Variants in TSEN34 observed in about 807,000 individuals in gnomAD.
TSEN34 encodes the protein tRNA-splicing endonuclease subunit Sen34.
In TSEN34, 25 loss-of-function variants were observed where a neutral mutation model predicts 30.2. That is an observed-to-expected ratio of 0.83 (90% CI 0.60 to 1.16). The LOEUF is 1.16. Ranked by LOEUF, TSEN34 falls within the 50% of genes most tolerant of loss-of-function variation. TSEN34 has a pLI of 0.00. For missense variants in TSEN34, 475 were observed against 411.9 expected (o/e 1.15, Z -1.33); for synonymous variants, 209 against 177.4 (o/e 1.18, Z -1.41).
Position 54,193,644 on chromosome 19 carries a change from A to C in TSEN34, c.*282A>C. 9.5e-7 allele frequency: 1 copy of C among 1,048,796 alleles called. No individual in the cohort carries two copies. 65.0% of individuals were successfully genotyped at this position (1,048,796 alleles called of 1,614,324 possible). A position where few individuals can be genotyped will look rare whatever the true frequency, so the allele number is the denominator to read the frequency against. On this transcript the variant is annotated 3_prime_UTR_variant, in exon 4 of 4. Transcript: ENST00000396388. The stretch of plus-strand genomic sequence containing the variant: ...CAGGGTTTAAGTCTCAGGAGGTCTC[A>C]ATAAACTTGGTATATAAATGTTCAT...
In TSEN34 at chr19:54,193,171, C is replaced by T. The variant is rs754060686; in HGVS notation, c.746-4C>T. On this transcript the variant is annotated splice_region_variant and splice_polypyrimidine_tract_variant and intron_variant, in intron 3 of 3. Coordinates refer to ENST00000396388, the MANE Select transcript of TSEN34 (RefSeq NM_001077446.4). ...CTGCTTCAGTGCCTCTCTCCTTCCC[C>T]CAGGTGACCCCCTCCGCTTCCACGC... 19 of 1,613,044 alleles carry T rather than the reference C, an allele frequency of 1.2e-5. No individual in the cohort carries two copies. Among genetic ancestry groups the T allele is most frequent in the African/African-American group, 6.7e-5 (5 of 74,864 alleles).
chr19:54,193,064 GTATC>G (rs2147089024), intron 3 of TSEN34, 107 bp from the exon 4 acceptor site: 4 of 1,477,274 alleles, frequency 2.7e-6, no homozygotes, highest in Non-Finnish European at 3.7e-6. Flanking sequence ...CTGTTTTAGA[GTATC>G]TATAGTGATG....
chr19:54,190,983 G>A (rs752469312), upstream of TSEN34: 108 of 1,104,568 alleles, frequency 9.8e-5, no homozygotes, highest in Non-Finnish European at 1.2e-4. Context: ...ACCTTTGTAA[G>A]GGGGCGTGTC....
At chr19:54,190,125 C>G (rs1191561593), upstream of TSEN34, 1 of 548,132 alleles carries the variant, frequency 1.8e-6, no homozygotes, top group Admixed American at 3.6e-5. Flanking sequence ...TGACGATCCT[C>G]AAGTTCCCAA....
chr19:54,191,306 G>C (rs948397818), upstream of TSEN34: 2 of 1,546,454 alleles, frequency 1.3e-6, no homozygotes, highest in African/African-American at 2.7e-5. Context: ...GTGCGCTGCA[G>C]CGGTCCGCGG....
intron 3 of TSEN34, among the ~76,000 whole-genome samples, 186 bp from the exon 4 acceptor site, chr19:54,192,989 G>A (rs1461453343): frequency 4.1e-5 from 5 of 120,724 alleles, no homozygotes; most frequent in African/African-American, 1.8e-4. Context: ...TGGGGGACAA[G>A]AGCGAGACTT....
upstream of TSEN34, chr19:54,190,950 G>A (rs1489443212): frequency 3.8e-6 from 4 of 1,064,018 alleles, no homozygotes; most frequent in East Asian, 7.9e-5. Flanking sequence ...CGCCCACTTT[G>A]CAAGAGGGTG....
At chr19:54,190,484 T>C (rs959119669), upstream of TSEN34, 26 of 1,370,960 alleles carry the variant, frequency 1.9e-5, no homozygotes, top group South Asian at 4.3e-4. Context: ...GGACGGCGGG[T>C]GTCCAGGGGG....
intron 3 of TSEN34, 105 bp from the exon 4 acceptor site, chr19:54,193,070 A>T (rs1006746846): frequency 1.6e-5 from 26 of 1,585,328 alleles, no homozygotes; most frequent in Non-Finnish European, 1.8e-5. Flanking sequence ...TAGAGTATCT[A>T]TAGTGATGGC....
At position 54,193,611 on chromosome 19, in the gene TSEN34, G is replaced by A. The variant is rs539331314; in HGVS notation, c.*249G>A. On this transcript the variant is annotated 3_prime_UTR_variant, in exon 4 of 4. Coordinates refer to ENST00000396388, the MANE Select transcript of TSEN34 (RefSeq NM_001077446.4). ...AATGGGGCCTGGGTTTGATTCATCT[G>A]TTTTCTACAGGGTTTAAGTCTCAGG... 1.5e-6 allele frequency: 2 copies of A among 1,335,088 alleles called. No individual in the cohort carries two copies. Among genetic ancestry groups the A allele is most frequent in the South Asian group, 1.3e-5 (1 of 79,920 alleles). 82.7% of individuals were successfully genotyped at this position (1,335,088 alleles called of 1,614,324 possible).
At chr19:54,191,157 CG>C (rs2076668746), upstream of TSEN34, 5 of 1,362,042 alleles carry the variant, frequency 3.7e-6, no homozygotes, top group Non-Finnish European at 4.7e-6. Flanking sequence ...GTCTCGTCTC[CG>C]GCGGCCGCGA....
At chr19:54,191,164 C>T (rs78510537), upstream of TSEN34, 1 of 1,364,812 alleles carries the variant, frequency 7.3e-7, no homozygotes, top group Non-Finnish European at 9.4e-7. Context: ...CTCCGGCGGC[C>T]GCGAGGCCTG....
At chr19:54,191,293 TGG>T, upstream of TSEN34, 1 of 1,543,694 alleles carries the variant, frequency 6.5e-7, no homozygotes, top group Non-Finnish European at 8.7e-7. Context: ...CCGGAGGCTT[TGG>T]GTGCGCTGCA....
Position 54,191,574 on chromosome 19 carries a change from C to T in TSEN34, c.210C>T (p.Ser70=), listed in dbSNP as rs762349677. Reference sequence around the variant, plus strand: ...AGATCGGCGCCGTGACTCTGGTCAGCGCCCCGCGTCCAGACTCTCGGCACC... The same window carrying T: ...AGATCGGCGCCGTGACTCTGGTCAGTGCCCCGCGTCCAGACTCTCGGCACC... The part of the protein sequence containing the change: ...LAEIGAVTLV[S]APRPDSRHHS... Residue 70 remains serine (S), a synonymous_variant, in exon 1 of 4, where the codon AGC becomes AGT. Transcript: ENST00000396388. The T allele has an allele frequency of 4.1e-5, 66 of 1,602,192 alleles. No individual in the cohort carries two copies. The highest frequency in any genetic ancestry group is 5.3e-5 in the Non-Finnish European group (63 of 1,179,530).
chr19:54,192,663 C>T (rs935467158), intron 3 of TSEN34, among the ~76,000 whole-genome samples: 1 of 152,068 alleles, frequency 6.6e-6, no homozygotes, highest in African/African-American at 2.4e-5. Context: ...AGCAGTTTAA[C>T]GACTTTTATT....
chr19:54,190,310 G>A, upstream of TSEN34: 1 of 1,477,926 alleles, frequency 6.8e-7, no homozygotes, highest in Non-Finnish European at 9.2e-7. Flanking sequence ...GGTGGAGCAA[G>A]GAGCGCGTGG....
Position 54,193,406 on chromosome 19 carries a change from CTT to C in TSEN34, c.*46_*47del. On this transcript the variant is annotated 3_prime_UTR_variant, in exon 4 of 4. Transcript: ENST00000396388. ...ATGTGGCTGTGTCGGCAGCAAGAGC[CTT>C]TCTGGATGTTCCCCAGCTCTTCTCT... The C allele has an allele frequency of 2.5e-6, 4 of 1,612,382 alleles. No homozygotes were observed. Among genetic ancestry groups the C allele is most frequent in the Non-Finnish European group, 3.4e-6 (4 of 1,179,256 alleles).
chr19:54,191,935 G>C lies in TSEN34; in HGVS notation c.458G>C (p.Gly153Ala). The C allele has an allele frequency of 6.2e-7, 1 of 1,614,168 alleles. No individual in the cohort carries two copies. Among genetic ancestry groups the C allele is most frequent in the Non-Finnish European group, 8.5e-7 (1 of 1,180,020 alleles). Reference sequence around the variant, plus strand: ...GCCAAAGAGGATGAGACCAGTGATGGCCAGGCTTCGGGAGAGCAGGAGGAA... The same window carrying C: ...GCCAAAGAGGATGAGACCAGTGATGCCCAGGCTTCGGGAGAGCAGGAGGAA... ...QAAKEDETSD[G>A]QASGEQEEAG... Residue 153 changes from glycine (G) to alanine (A), a missense_variant, in exon 2 of 4, where the codon GGC becomes GCC. Coordinates refer to ENST00000396388, the MANE Select transcript of TSEN34 (RefSeq NM_001077446.4).
In TSEN34 at chr19:54,191,445, T is replaced by A. The variant is rs2076689737; in HGVS notation, c.81T>A (p.Gly27=). ...EAVQALRERL[G]VGGRTVGALP... ...TGCAGGCCCTCCGGGAGCGCCTGGG[T>A]GTGGGGGGCCGCACGGTAGGCGCCC... Residue 27 remains glycine (G), a synonymous_variant, in exon 1 of 4, where the codon GGT becomes GGA. Transcript: ENST00000396388. The A allele has an allele frequency of 1.3e-6, 2 of 1,547,832 alleles. No homozygotes were observed. Among genetic ancestry groups the A allele is most frequent in the Admixed American group, 3.9e-5 (2 of 51,050 alleles).
Sources: allele counts gnomAD v4.1 joint callset (sites outside exome capture counted in the v4.1 genomes callset), GRCh38; gene constraint gnomAD v4.1.1; transcripts MANE v1.5; gene names NCBI Gene and HGNC (gene_info 2026-07-23, HGNC 2026-07-21).